The following QTGAL variants were observed in gnomAD, a reference collection of about 807,000 sequenced individuals.
QTGAL encodes queuosine-tRNA galactosyltransferase.
the QTGAL span, among the ~76,000 whole-genome samples, chr17:82,989,632 C>T: frequency 3.3e-5 from 5 of 152,064 alleles, no homozygotes; most frequent in Non-Finnish European, 5.9e-5. Context: ...GAAGTTTCAA[C>T]GTTTTTACGG....
chr17:82,971,072 G>A, the QTGAL span, among the ~76,000 whole-genome samples: 43 of 152,266 alleles, frequency 2.8e-4, 2 homozygotes, highest in East Asian at 7.3e-3. Context: ...GCATTCATCC[G>A]TGCACAAGGG....
chr17:82,970,526 A>AGCATGGACATGACCTCCGCACCCG, the QTGAL span, among the ~76,000 whole-genome samples: 8 of 122,138 alleles, frequency 6.5e-5, 1 homozygote, highest in African/African-American at 2.5e-4. Context: ...CTCCCCACCC[A>AGCATGGACATGACCTCCGCACCCG]GCGTGGCCGC....
chr17:83,036,945 C>T, the QTGAL span, among the ~76,000 whole-genome samples: 8 of 152,170 alleles, frequency 5.3e-5, no homozygotes, highest in Admixed American at 1.3e-4. Context: ...ATGCCAATGG[C>T]GGGTGGATCA....
chr17:83,049,727 C>G, the QTGAL span, among the ~76,000 whole-genome samples: 144 of 152,318 alleles, frequency 9.5e-4, no homozygotes, highest in African/African-American at 3.4e-3. Context: ...GGAGGCCTGA[C>G]GTCCATCTCT....
At chr17:83,048,855 C>T in the QTGAL span, 79 of 1,258,932 alleles carry the variant, frequency 6.3e-5, no homozygotes, top group African/African-American at 1.1e-3. Flanking sequence ...TCTAATTTAC[C>T]TCCCCTTCAC....
the QTGAL span, among the ~76,000 whole-genome samples, chr17:82,968,759 G>C: frequency 6.6e-6 from 1 of 152,178 alleles, no homozygotes; most frequent in Non-Finnish European, 1.5e-5. Flanking sequence ...CAGCACTTTT[G>C]GAGGCTGAGG....
the QTGAL span, among the ~76,000 whole-genome samples, chr17:83,038,855 T>C: frequency 7.1e-6 from 1 of 141,830 alleles, no homozygotes; most frequent in African/African-American, 2.5e-5. Flanking sequence ...TGAGACTCCA[T>C]CTCAACAACA....
chr17:82,959,401 G>A, the QTGAL span, among the ~76,000 whole-genome samples: 4 of 76,642 alleles, frequency 5.2e-5, no homozygotes, highest in South Asian at 4.7e-4. Flanking sequence ...CAGTGAGTAC[G>A]TGTGTATACT....
chr17:82,945,989 T>C, the QTGAL span: 1 of 152,166 alleles, frequency 6.6e-6, no homozygotes. Flanking sequence ...AGCATATAAA[T>C]CAGTGGCAGA....
At chr17:82,974,823 G>A in the QTGAL span, among the ~76,000 whole-genome samples, 2 of 152,344 alleles carry the variant, frequency 1.3e-5, no homozygotes, top group South Asian at 2.1e-4. Flanking sequence ...TCTGCACGGC[G>A]CAGACAGGCA....
At chr17:82,979,096 C>G in the QTGAL span, among the ~76,000 whole-genome samples, 1 of 151,734 alleles carries the variant, frequency 6.6e-6, no homozygotes, top group Non-Finnish European at 1.5e-5. Context: ...AAATGACACC[C>G]CAAAGCAAGC....
At chr17:83,010,297 G>A in the QTGAL span, among the ~76,000 whole-genome samples, 1 of 152,164 alleles carries the variant, frequency 6.6e-6, no homozygotes, top group African/African-American at 2.4e-5. Flanking sequence ...GAAGGTGAAG[G>A]AGGAGCACCC....
the QTGAL span, chr17:82,978,686 T>C: frequency 1.3e-5 from 2 of 152,190 alleles, no homozygotes; most frequent in African/African-American, 4.8e-5. This position sits in a 1 kb window ranked among gnomAD's most constrained non-coding sequence, Gnocchi z 4.8. Context: ...TCCTTCTATT[T>C]TTTAAAAAAT....
the QTGAL span, chr17:82,960,990 C>T: frequency 6.5e-7 from 1 of 1,540,954 alleles, no homozygotes; most frequent in Non-Finnish European, 8.8e-7. Context: ...AACCCCGGCC[C>T]CGACCTCGGG....
chr17:82,961,427 A>G, the QTGAL span: 1 of 544,264 alleles, frequency 1.8e-6, no homozygotes, highest in Non-Finnish European at 3.3e-6. Flanking sequence ...GTTCTGCCCC[A>G]AATTCCATTT....
the QTGAL span, among the ~76,000 whole-genome samples, chr17:82,946,166 G>A: frequency 6.6e-6 from 1 of 152,084 alleles, no homozygotes; most frequent in East Asian, 1.9e-4. Context: ...AATGGAACAA[G>A]AATAAAAAAT....
chr17:83,001,875 T>G, the QTGAL span, among the ~76,000 whole-genome samples: 2 of 152,090 alleles, frequency 1.3e-5, no homozygotes, highest in African/African-American at 4.8e-5. Context: ...GCTCAGGTGA[T>G]CCTCCCACCT....
chr17:83,035,913 G>A, the QTGAL span, among the ~76,000 whole-genome samples: 9 of 105,288 alleles, frequency 8.5e-5, no homozygotes, highest in African/African-American at 1.4e-4. Flanking sequence ...GTAGACCCTC[G>A]GAGGGCGGTT....
the QTGAL span, among the ~76,000 whole-genome samples, chr17:83,038,715 C>T: frequency 0.014 from 2,064 of 152,128 alleles, 49 homozygotes; most frequent in African/African-American, 0.046. Context: ...AAAAATTAGC[C>T]GGGCGTGGTG....
Sources: allele counts gnomAD v4.1 joint callset (sites outside exome capture counted in the v4.1 genomes callset), GRCh38; gene constraint gnomAD v4.1.1; non-coding constraint Gnocchi (gnomAD v3.1); transcripts MANE v1.5; gene names NCBI Gene and HGNC (gene_info 2026-07-23, HGNC 2026-07-21).